Variants in NBEA observed in about 807,000 individuals in gnomAD.
The protein encoded by NBEA is neurobeachin, also known as lysosomal-trafficking regulator 2.
Under a neutral mutation model 343.4 loss-of-function variants are expected in NBEA, and 44 were observed. The observed-to-expected ratio is 0.13, with a 90% CI of 0.10 to 0.16. The LOEUF (loss-of-function observed/expected upper bound fraction) is 0.16, where lower values mean the gene tolerates loss of function less well. Ranked by LOEUF, NBEA falls within the 10% of genes least tolerant of loss-of-function variation. The pLI, the probability that NBEA is intolerant of heterozygous loss-of-function variation, is 1.00. For synonymous variants in NBEA, 1,175 were observed against 1,238.7 expected (o/e 0.95, Z 1.08); for missense variants, 2,555 against 3,631.3 (o/e 0.70, Z 7.62).
At chr13:35,387,443 A>C (rs1384216342) in intron 38 of NBEA, among the ~76,000 whole-genome samples, 1 of 151,760 alleles carries the variant, frequency 6.6e-6, no homozygotes. Context: ...AATGGCACCT[A>C]TTCTATGTTG....
chr13:35,106,824 A>G (rs2065940898), intron 11 of NBEA, among the ~76,000 whole-genome samples: 1 of 151,808 alleles, frequency 6.6e-6, no homozygotes, highest in African/African-American at 2.4e-5. Context: ...ATACCTTTTA[A>G]TATCATGGTC....
At chr13:35,337,083 A>G (rs1242765143) in intron 36 of NBEA, among the ~76,000 whole-genome samples, 1 of 152,144 alleles carries the variant, frequency 6.6e-6, no homozygotes, top group African/African-American at 2.4e-5. Context: ...AGTACAAAAG[A>G]AGGCAAGAAA....
chr13:35,289,992 T>C (rs2035699812), intron 34 of NBEA, among the ~76,000 whole-genome samples: 1 of 151,840 alleles, frequency 6.6e-6, no homozygotes, highest in Non-Finnish European at 1.5e-5. Context: ...TGTTCTTTGC[T>C]CCAAGGAAAC....
chr13:35,100,470 T>C (rs1045417956), intron 11 of NBEA, among the ~76,000 whole-genome samples: 1 of 152,032 alleles, frequency 6.6e-6, no homozygotes, highest in African/African-American at 2.4e-5. Flanking sequence ...AGAAGATGTA[T>C]GATAAGCTAC....
chr13:34,968,337 C>G (rs776075184), intron 1 of NBEA, among the ~76,000 whole-genome samples: 1 of 152,124 alleles, frequency 6.6e-6, no homozygotes, highest in Non-Finnish European at 1.5e-5. Flanking sequence ...CTTATATTCA[C>G]TTGCTTAGTT....
chr13:35,236,805 T>G (rs1299469407), intron 34 of NBEA, among the ~76,000 whole-genome samples: 14 of 151,490 alleles, frequency 9.2e-5, no homozygotes, highest in Non-Finnish European at 1.5e-5. Flanking sequence ...ATCCTTTGAG[T>G]CCATTTTCAG....
At chr13:34,995,073 C>T (rs2060891418) in intron 1 of NBEA, among the ~76,000 whole-genome samples, 3 of 152,090 alleles carry the variant, frequency 2.0e-5, no homozygotes, top group African/African-American at 7.2e-5. Context: ...GACCTTCTGG[C>T]AAGGGGAATA....
intron 41 of NBEA, among the ~76,000 whole-genome samples, chr13:35,521,256 C>T (rs1429725604): frequency 6.6e-6 from 1 of 151,824 alleles, no homozygotes; most frequent in African/African-American, 2.4e-5. Flanking sequence ...TATTGTTCCC[C>T]TGATGTACAT....
chr13:35,423,345 T>A (rs930748158), intron 38 of NBEA, among the ~76,000 whole-genome samples: 1 of 152,212 alleles, frequency 6.6e-6, no homozygotes, highest in African/African-American at 2.4e-5. Context: ...AAGGAAGGGA[T>A]CCAGTTTCAG....
intron 49 of NBEA, among the ~76,000 whole-genome samples, chr13:35,633,524 T>C (rs1465533877): frequency 6.6e-6 from 1 of 151,748 alleles, no homozygotes; most frequent in Non-Finnish European, 1.5e-5. Context: ...TATGATTATA[T>C]TGTATGCCAT....
intron 34 of NBEA, among the ~76,000 whole-genome samples, chr13:35,270,528 G>A (rs995285207): frequency 2.0e-5 from 3 of 152,270 alleles, no homozygotes; most frequent in Admixed American, 6.5e-5. Context: ...GCAGGGTGTC[G>A]CCTCACCTGG....
At chr13:35,232,958 C>G (rs1277608019) in intron 34 of NBEA, among the ~76,000 whole-genome samples, 1 of 152,014 alleles carries the variant, frequency 6.6e-6, no homozygotes, top group Non-Finnish European at 1.5e-5. Context: ...TTCCTTCTGA[C>G]TCTGAGAGCC....
intron 36 of NBEA, among the ~76,000 whole-genome samples, chr13:35,315,684 A>G (rs2037667396): frequency 6.6e-6 from 1 of 152,138 alleles, no homozygotes; most frequent in African/African-American, 2.4e-5. Flanking sequence ...TAGAGCTCTC[A>G]AGATTCTGAT....
intron 55 of NBEA, among the ~76,000 whole-genome samples, chr13:35,659,777 A>G (rs2084986040): frequency 6.6e-6 from 1 of 152,254 alleles, no homozygotes; most frequent in South Asian, 2.1e-4. Flanking sequence ...TTGAACGTAT[A>G]AATTATCTTG....
At chr13:35,424,241 A>G (rs1382189731) in intron 38 of NBEA, among the ~76,000 whole-genome samples, 1 of 152,138 alleles carries the variant, frequency 6.6e-6, no homozygotes, top group Non-Finnish European at 1.5e-5. Context: ...TTTCAAAGGG[A>G]ATGCTTCCAG....
chr13:35,233,853 G>T (rs1304057752), intron 34 of NBEA, among the ~76,000 whole-genome samples: 2 of 152,054 alleles, frequency 1.3e-5, no homozygotes, highest in Non-Finnish European at 2.9e-5. Flanking sequence ...ACAGAGAATT[G>T]GGATTACAGA....
intron 34 of NBEA, among the ~76,000 whole-genome samples, chr13:35,245,450 C>T (rs2031039906): frequency 6.6e-6 from 1 of 151,862 alleles, no homozygotes. Flanking sequence ...ATTTAGAGCT[C>T]CTTTTAGCGG....
chr13:35,576,805 T>G (rs145214949), intron 45 of NBEA, among the ~76,000 whole-genome samples: 2 of 152,346 alleles, frequency 1.3e-5, no homozygotes, highest in African/African-American at 2.4e-5. Context: ...CATTATGAGA[T>G]ATCATGTTTT....
At chr13:35,104,068 A>G (rs2065791713) in intron 11 of NBEA, among the ~76,000 whole-genome samples, 1 of 151,758 alleles carries the variant, frequency 6.6e-6, no homozygotes, top group African/African-American at 2.4e-5. Context: ...TGCTTTCTCT[A>G]TTTTAGGCAA....
Sources: allele counts gnomAD v4.1 joint callset (sites outside exome capture counted in the v4.1 genomes callset), GRCh38; gene constraint gnomAD v4.1.1; transcripts MANE v1.5; gene names NCBI Gene and HGNC (gene_info 2026-07-23, HGNC 2026-07-21).